Variants in CLASP2 observed in about 807,000 individuals in gnomAD.
The protein encoded by CLASP2 is CLIP-associating protein 2.
A neutral mutation model predicts 194.4 loss-of-function variants in CLASP2; 47 were observed. The observed-to-expected ratio is 0.24, with a 90% confidence interval of 0.19 to 0.31. CLASP2 has a LOEUF of 0.31. Ranked by LOEUF, CLASP2 falls within the 10% of genes least tolerant of loss-of-function variation. The pLI is 1.00. For missense variants in CLASP2, 1,445 were observed against 1,823.6 expected, an observed-to-expected ratio of 0.79 and a Z score of 3.78; for synonymous variants, 619 against 633.5, an observed-to-expected ratio of 0.98 and a Z score of 0.34.
chr3:33,608,931 A>C (rs1188376664), intron 13 of CLASP2, among the ~76,000 whole-genome samples: 2 of 151,952 alleles, frequency 1.3e-5, no homozygotes, highest in East Asian at 3.9e-4. Context: ...TATGCTAAAC[A>C]GTTCAAAAAT....
chr3:33,668,542 T>C (rs1559582975), intron 6 of CLASP2, among the ~76,000 whole-genome samples: 3 of 152,290 alleles, frequency 2.0e-5, no homozygotes, highest in Middle Eastern at 3.4e-3. Context: ...AGTGGAACAA[T>C]AGTCTGAAGA....
chr3:33,551,306 T>G lies in CLASP2; in HGVS notation c.3099A>C (p.Ala1033=). The G allele has an allele frequency of 6.2e-7, 1 of 1,613,856 alleles. No individual in the cohort carries two copies. The highest frequency in any genetic ancestry group is 8.5e-7 in the Non-Finnish European group (1 of 1,179,834). ...TTGTCCAAGTGATGACCCGAGACAC[T>G]GCTAGGCGAGTTTCACTGGAATTTA... is the stretch of plus-strand genomic sequence containing the variant. ...DFINSSETRL[A]VSRVITWTTE... is the part of the protein sequence containing the mutation. The change falls in exon 30 of 39, where the codon GCA becomes GCC. Residue 1033 remains alanine, a synonymous_variant. Transcript: ENST00000682230.
chr3:33,603,402 T>A (rs2154255556), intron 17 of CLASP2, among the ~76,000 whole-genome samples: 1 of 152,298 alleles, frequency 6.6e-6, no homozygotes, highest in South Asian at 2.1e-4. Flanking sequence ...ATAGGACTGT[T>A]TTGTAGATGA....
intron 16 of CLASP2, 51 bp downstream of exon 16, chr3:33,606,539 CA>C: frequency 6.9e-7 from 1 of 1,446,564 alleles, no homozygotes; most frequent in Non-Finnish European, 9.5e-7. Context: ...TATGAAACTT[CA>C]GGGAGTTGAG....
chr3:33,673,971 T>A (rs2087949553), intron 6 of CLASP2, among the ~76,000 whole-genome samples: 1 of 152,152 alleles, frequency 6.6e-6, no homozygotes, highest in Admixed American at 6.5e-5. Context: ...CAAAGAGACT[T>A]AGACTCCCAC....
rs549906483 is a variant in CLASP2, at chr3:33,535,934, AAAAG to A, written c.3559-477_3559-474del. Among the ~76,000 whole-genome samples, 25 of 152,198 alleles carry A rather than the reference AAAAG, an allele frequency of 1.6e-4. No individual in the cohort carries two copies. The South Asian group carries it at 5.2e-3, about 32-fold the overall frequency. On this transcript the variant is annotated intron_variant, in intron 33 of 38. Coordinates refer to ENST00000682230, the MANE Select transcript of CLASP2 (RefSeq NM_001365631.1). ...GCTTGCTTTAAGGAGAAAAAAAAAA[AAAAG>A]AAAGGCTTAAAAGGCCTGCATAACT...
chr3:33,635,816 T>C (rs1030421766), intron 8 of CLASP2, among the ~76,000 whole-genome samples: 16 of 152,042 alleles, frequency 1.1e-4, no homozygotes, highest in African/African-American at 3.9e-4. Flanking sequence ...AAATCAAATA[T>C]ACAAACAAAT....
intron 25 of CLASP2, among the ~76,000 whole-genome samples, chr3:33,571,647 A>C (rs539457573): frequency 2.0e-4 from 30 of 151,308 alleles, no homozygotes; most frequent in African/African-American, 7.0e-4. Flanking sequence ...AAAAAAAAAA[A>C]CCAAAAAAAC....
At chr3:33,565,821 A>G (rs1333992653) in intron 27 of CLASP2, among the ~76,000 whole-genome samples, 1 of 150,854 alleles carries the variant, frequency 6.6e-6, no homozygotes, top group Admixed American at 6.6e-5. Context: ...CAAAAAAAAG[A>G]AAAAAAAATA....
intron 6 of CLASP2, among the ~76,000 whole-genome samples, chr3:33,674,592 A>G (rs1335017413): frequency 6.3e-4 from 96 of 152,196 alleles, no homozygotes; most frequent in African/African-American, 1.1e-3. Context: ...AATCAGAGCA[A>G]AACTGAAGGA....
chr3:33,588,681 C>T, intron 21 of CLASP2: 1 of 701,696 alleles, frequency 1.4e-6, no homozygotes, highest in Non-Finnish European at 2.6e-6. Context: ...AACAGATGCA[C>T]ACATAAAGTC....
At chr3:33,530,181 T>C (rs977295082) in intron 34 of CLASP2, among the ~76,000 whole-genome samples, 3 of 151,670 alleles carry the variant, frequency 2.0e-5, no homozygotes, top group African/African-American at 7.3e-5. Context: ...GTATAGTAAA[T>C]ACTAAAACCA....
rs1322376934 is a variant in CLASP2 at position 33,533,755 on chromosome 3, C to G, written c.3787+1478G>C. Among the ~76,000 whole-genome samples, 4 of 152,074 alleles carry G rather than the reference C, an allele frequency of 2.6e-5. No homozygotes were observed. The South Asian group carries it at 8.3e-4, about 32-fold the overall frequency. Reference sequence around the variant, plus strand: ...TTTGAGACAGGGTCTCACTCTGTTGCCCAGGTTGGAGTGCAGTGGTGCAAT... The same window carrying G: ...TTTGAGACAGGGTCTCACTCTGTTGGCCAGGTTGGAGTGCAGTGGTGCAAT... On this transcript the variant is annotated intron_variant, in intron 34 of 38. Transcript: ENST00000682230.
At chr3:33,538,124 G>C (rs1019311757) in intron 33 of CLASP2, among the ~76,000 whole-genome samples, 2 of 145,506 alleles carry the variant, frequency 1.4e-5, no homozygotes, top group Admixed American at 7.0e-5. Context: ...CTGGGCGACA[G>C]AGCGAGACTC....
chr3:33,700,812 T>C (rs2092326135), intron 1 of CLASP2, among the ~76,000 whole-genome samples: 1 of 152,182 alleles, frequency 6.6e-6, no homozygotes, highest in Non-Finnish European at 1.5e-5. Context: ...ATCGCGCCAT[T>C]GCACTCTAGC....
intron 1 of CLASP2, among the ~76,000 whole-genome samples, chr3:33,713,012 C>CAGAAAAAAAAAAAAAA (rs1559717375): frequency 1.1e-4 from 5 of 47,004 alleles, no homozygotes; most frequent in South Asian, 8.3e-4. Flanking sequence ...AACTCCACCT[C>CAGAAAAAAAAAAAAAA]AAAAAAAAAA....
intron 29 of CLASP2, 85 bp downstream of exon 29, chr3:33,559,222 G>T: frequency 1.1e-6 from 1 of 918,712 alleles, no homozygotes; most frequent in Non-Finnish European, 1.7e-6. Flanking sequence ...AGCTTCTCAT[G>T]TGACAGAAAT....
chr3:33,547,409 G>T (rs1343179685), intron 30 of CLASP2, among the ~76,000 whole-genome samples: 1 of 152,192 alleles, frequency 6.6e-6, no homozygotes, highest in African/African-American at 2.4e-5. Flanking sequence ...GAAACTGTAA[G>T]TTCAATTAAA....
intron 38 of CLASP2, among the ~76,000 whole-genome samples, chr3:33,500,508 A>G (rs2046598991): frequency 6.6e-6 from 1 of 152,176 alleles, no homozygotes; most frequent in Admixed American, 6.5e-5. Context: ...CATGGGATTC[A>G]CGGGATCACA....
Sources: gnomAD v4.1 joint callset for allele counts (sites outside exome capture counted in the v4.1 genomes callset) on GRCh38, gnomAD v4.1.1 for gene constraint, MANE v1.5 for transcripts, NCBI Gene and HGNC (gene_info 2026-07-23, HGNC 2026-07-21) for gene names.